Variants in RPRD1A observed in about 807,000 individuals in gnomAD.
RPRD1A encodes regulation of nuclear pre-mRNA domain-containing protein 1A.
A neutral mutation model predicts 37.8 loss-of-function variants in RPRD1A; 9 were observed. The observed-to-expected ratio is 0.24, with a 90% CI of 0.14 to 0.42. The LOEUF is 0.42. Ranked by LOEUF, RPRD1A falls within the 10% of genes least tolerant of loss-of-function variation. The pLI, the probability that RPRD1A is intolerant of heterozygous loss-of-function variation, is 1.00. For missense variants in RPRD1A, 255 were observed against 371.0 expected (o/e 0.69, Z 2.57); for synonymous variants, 138 against 139.7 (o/e 0.99, Z 0.08).
intron 2 of RPRD1A, among the ~76,000 whole-genome samples, chr18:36,032,449 A>G (rs1167175448): frequency 5.3e-5 from 8 of 152,216 alleles, no homozygotes; most frequent in Admixed American, 5.2e-4. Context: ...AGGTCTGGGG[A>G]GATAGGCAGT....
chr18:36,066,069 C>T (rs537648601), intron 1 of RPRD1A, among the ~76,000 whole-genome samples: 28 of 152,300 alleles, frequency 1.8e-4, no homozygotes, highest in African/African-American at 5.8e-4. Flanking sequence ...CTTTCCAGAC[C>T]TTTATATCAG....
chr18:36,028,765 A>C (rs1052759493), intron 4 of RPRD1A, among the ~76,000 whole-genome samples: 4 of 152,230 alleles, frequency 2.6e-5, no homozygotes, highest in Non-Finnish European at 5.9e-5. Context: ...CACACACACA[A>C]AAATGAAGAC....
At position 36,029,707 on chromosome 18, in the gene RPRD1A, CAG is replaced by C. The variant is rs573979953; in HGVS notation, c.486+1099_486+1100del. On this transcript the variant is annotated intron_variant, in intron 4 of 6. Transcript: ENST00000399022. Reference sequence around the variant, plus strand: ...TACCATACCAACATGTAGGAGGACACAGAGTGTTAAGATAATAATTCTAACTT... The same window carrying C: ...TACCATACCAACATGTAGGAGGACACAGTGTTAAGATAATAATTCTAACTT... 6.6e-5 allele frequency among the ~76,000 whole-genome samples: 10 copies of C among 151,166 alleles called. No homozygotes were observed. The South Asian group carries it at 1.7e-3, about 25-fold the overall frequency.
chr18:36,015,031 A>G (rs1356394881), intron 6 of RPRD1A, among the ~76,000 whole-genome samples: 4 of 151,938 alleles, frequency 2.6e-5, no homozygotes. Flanking sequence ...GGAAACCAGT[A>G]TGTCAGTTCT....
At chr18:36,055,605 A>C (rs1228831907) in intron 1 of RPRD1A, among the ~76,000 whole-genome samples, 1 of 152,204 alleles carries the variant, frequency 6.6e-6, no homozygotes, top group East Asian at 1.9e-4. Context: ...TGCCATTATA[A>C]AGACGTACAT....
At chr18:36,050,361 T>C (rs1472411457) in intron 1 of RPRD1A, among the ~76,000 whole-genome samples, 2 of 152,034 alleles carry the variant, frequency 1.3e-5, no homozygotes, top group Non-Finnish European at 2.9e-5. Context: ...TCAGAGTATG[T>C]TGTTCAATGG....
At chr18:36,032,272 T>C (rs569004559) in intron 2 of RPRD1A, among the ~76,000 whole-genome samples, 104 of 152,312 alleles carry the variant, frequency 6.8e-4, no homozygotes, top group African/African-American at 2.3e-3. Context: ...TCTTGGTCAC[T>C]ACTACTCAGG....
At chr18:36,044,116 G>A (rs1912789718) in intron 1 of RPRD1A, among the ~76,000 whole-genome samples, 1 of 152,234 alleles carries the variant, frequency 6.6e-6, no homozygotes, top group African/African-American at 2.4e-5. Context: ...TTTTCTCTTT[G>A]TCATTTTAAT....
chr18:36,011,949 T>C (rs1910205113), intron 6 of RPRD1A, among the ~76,000 whole-genome samples: 1 of 152,228 alleles, frequency 6.6e-6, no homozygotes, highest in Admixed American at 6.5e-5. Context: ...AAATTGCATG[T>C]TGTTCTGAGT....
chr18:36,008,242 A>G (rs1212393546), intron 6 of RPRD1A, among the ~76,000 whole-genome samples: 6 of 152,086 alleles, frequency 3.9e-5, no homozygotes, highest in African/African-American at 1.2e-4. Context: ...ATTTTAAACT[A>G]TTCCTTGGGT....
chr18:36,001,896 A>G (rs1033448004), intron 6 of RPRD1A, among the ~76,000 whole-genome samples: 7 of 152,204 alleles, frequency 4.6e-5, no homozygotes, highest in African/African-American at 1.4e-4. Context: ...GAATAATTTC[A>G]TTGGATATAT....
At chr18:36,052,600 T>C (rs1913478656) in intron 1 of RPRD1A, among the ~76,000 whole-genome samples, 1 of 151,910 alleles carries the variant, frequency 6.6e-6, no homozygotes, top group South Asian at 2.1e-4. Flanking sequence ...ATCAATTCAT[T>C]TTTGTTGGGG....
At chr18:35,993,360 A>G in intron 6 of RPRD1A, 60 bp from the exon 7 acceptor site, 1 of 1,572,972 alleles carries the variant, frequency 6.4e-7, no homozygotes, top group Non-Finnish European at 8.7e-7. Context: ...CTAGCTAATA[A>G]TGACCTACAT....
At chr18:36,001,653 T>C (rs539743586) in intron 6 of RPRD1A, among the ~76,000 whole-genome samples, 1 of 152,258 alleles carries the variant, frequency 6.6e-6, no homozygotes, top group African/African-American at 2.4e-5. Context: ...GCTCAGATCC[T>C]CCATATCTGA....
chr18:36,059,284 T>G (rs955857327), intron 1 of RPRD1A, among the ~76,000 whole-genome samples: 1 of 152,126 alleles, frequency 6.6e-6, no homozygotes, highest in African/African-American at 2.4e-5. Flanking sequence ...ATTACAGATG[T>G]GCACCACCAC....
At chr18:35,993,910 C>T (rs1908862978) in intron 6 of RPRD1A, among the ~76,000 whole-genome samples, 1 of 152,168 alleles carries the variant, frequency 6.6e-6, no homozygotes, top group South Asian at 2.1e-4. Flanking sequence ...CTGTCCAGCC[C>T]CCACTCCTGG....
At chr18:36,062,583 G>A (rs2088938255) in intron 1 of RPRD1A, among the ~76,000 whole-genome samples, 2 of 152,108 alleles carry the variant, frequency 1.3e-5, no homozygotes, top group South Asian at 2.1e-4. Flanking sequence ...TATTCTATTC[G>A]GCCATAGAAA....
At chr18:36,017,273 C>T (rs1351620963) in intron 6 of RPRD1A, among the ~76,000 whole-genome samples, 1 of 152,146 alleles carries the variant, frequency 6.6e-6, no homozygotes, top group Non-Finnish European at 1.5e-5. Flanking sequence ...TGAGCTCCAA[C>T]CTGGGTAACA....
At chr18:36,005,776 C>T (rs1909708599) in intron 6 of RPRD1A, among the ~76,000 whole-genome samples, 1 of 152,182 alleles carries the variant, frequency 6.6e-6, no homozygotes, top group South Asian at 2.1e-4. Context: ...CCATATATCA[C>T]TCACTGGAGA....
Sources: allele counts gnomAD v4.1 joint callset (sites outside exome capture counted in the v4.1 genomes callset), GRCh38; gene constraint gnomAD v4.1.1; transcripts MANE v1.5; gene names NCBI Gene and HGNC (gene_info 2026-07-23, HGNC 2026-07-21).